Variants in GALNT17 observed in about 807,000 individuals in gnomAD.
GALNT17 encodes polypeptide N-acetylgalactosaminyltransferase 17, also known as UDP-GalNAc:polypeptide N-acetylgalactosaminyltransferase-like 3.
GALNT17 carries 29 observed loss-of-function variants against 63.7 expected under a neutral mutation model. The ratio of observed to expected loss-of-function variants is 0.46; its 90% confidence interval spans 0.34 to 0.62. GALNT17 has a LOEUF of 0.62. Among genes scored for constraint, GALNT17 ranks in the 20% least tolerant of loss-of-function variants. The pLI is 0.01. For synonymous variants in GALNT17, 305 were observed against 318.3 expected (o/e 0.96, Z 0.45); for missense variants, 603 against 799.6 (o/e 0.75, Z 2.97).
chr7:71,141,569 A>G (rs1001800887), intron 1 of GALNT17, among the ~76,000 whole-genome samples: 2 of 152,114 alleles, frequency 1.3e-5, no homozygotes, highest in Admixed American at 6.6e-5. Context: ...AATACAAACT[A>G]CTTATGGGAA....
chr7:71,331,732 G>GTTCCTACA (rs1583867317), intron 1 of GALNT17, among the ~76,000 whole-genome samples: 4 of 151,954 alleles, frequency 2.6e-5, no homozygotes, highest in South Asian at 4.2e-4. Flanking sequence ...AAGTTCCTAC[G>GTTCCTACA]TTCCTACATT....
rs188864746 is a variant in GALNT17, at chr7:71,503,257, C to T, written c.963-68028C>T. 6.6e-4 allele frequency among the ~76,000 whole-genome samples: 101 copies of T among 152,246 alleles called. 1 individual carries two copies. Among genetic ancestry groups the T allele is most frequent in the Non-Finnish European group, 1.1e-3 (77 of 68,010 alleles). On this transcript the variant is annotated intron_variant, in intron 5 of 10. Coordinates refer to ENST00000333538, the MANE Select transcript of GALNT17 (RefSeq NM_022479.3). ...ATGAGTCATAATTTACATCACTTTT[C>T]TGAGCCAGGGTCTCGCTCTGTCACC...
chr7:71,542,695 C>A (rs147042732), intron 5 of GALNT17, among the ~76,000 whole-genome samples: 960 of 120,214 alleles, frequency 8.0e-3, no homozygotes, highest in Non-Finnish European at 9.0e-3. Flanking sequence ...GACTCCCTGT[C>A]AAAAAAAAAA....
intron 8 of GALNT17, among the ~76,000 whole-genome samples, chr7:71,671,842 T>TG (rs1239451723): frequency 6.6e-6 from 1 of 152,062 alleles, no homozygotes; most frequent in African/African-American, 2.4e-5. Context: ...CTGGCCAACA[T>TG]GGGGAAGTCC....
chr7:71,496,023 A>G (rs1374547040), intron 5 of GALNT17, among the ~76,000 whole-genome samples: 1 of 152,246 alleles, frequency 6.6e-6, no homozygotes, highest in Non-Finnish European at 1.5e-5. Context: ...CAAGGCCAGA[A>G]GGCATGGGAA....
intron 9 of GALNT17, among the ~76,000 whole-genome samples, chr7:71,688,335 G>A (rs374665817): frequency 6.6e-6 from 1 of 152,222 alleles, no homozygotes; most frequent in East Asian, 1.9e-4. Context: ...TGGGTTGTTC[G>A]TTCCTGCCTC....
intron 1 of GALNT17, among the ~76,000 whole-genome samples, chr7:71,291,263 C>T (rs577838420): frequency 6.6e-6 from 1 of 152,118 alleles, no homozygotes; most frequent in Non-Finnish European, 1.5e-5. Flanking sequence ...TTTGGTTGGC[C>T]GGTGGACTCG....
Position 71,151,351 on chromosome 7 carries a change from G to A in GALNT17, c.238+18311G>A, listed in dbSNP as rs191857578. On this transcript the variant is annotated intron_variant, in intron 1 of 10. Coordinates refer to ENST00000333538, the MANE Select transcript of GALNT17 (RefSeq NM_022479.3). ...AAGAAAATAGCCTTGGCTGGGCGTGGTGGCTCACGCCTGTAGTCCCAGCAC... is the reference window on the plus strand; with the variant it reads ...AAGAAAATAGCCTTGGCTGGGCGTGATGGCTCACGCCTGTAGTCCCAGCAC... 3.3e-3 allele frequency among the ~76,000 whole-genome samples: 505 copies of A among 152,268 alleles called. 11 individuals carry two copies. The highest frequency in any genetic ancestry group is 0.032 in the Admixed American group (482 of 15,290).
chr7:71,419,186 G>T (rs1330959076), intron 4 of GALNT17, among the ~76,000 whole-genome samples: 1 of 152,232 alleles, frequency 6.6e-6, no homozygotes, highest in Non-Finnish European at 1.5e-5. Flanking sequence ...TCTAATGCAT[G>T]ATCTGGACTT....
intron 8 of GALNT17, among the ~76,000 whole-genome samples, chr7:71,670,941 T>G (rs1157562141): frequency 1.3e-5 from 2 of 152,046 alleles, no homozygotes; most frequent in Non-Finnish European, 2.9e-5. Flanking sequence ...TGTGTGCATG[T>G]GTATATACCC....
At chr7:71,706,499 A>G (rs568397953) in intron 9 of GALNT17, among the ~76,000 whole-genome samples, 1 of 152,184 alleles carries the variant, frequency 6.6e-6, no homozygotes, top group Non-Finnish European at 1.5e-5. Context: ...AATTTCAGTA[A>G]GCAGCTGTGT....
At chr7:71,650,094 C>G (rs1017102234) in intron 6 of GALNT17, among the ~76,000 whole-genome samples, 12 of 152,214 alleles carry the variant, frequency 7.9e-5, no homozygotes, top group African/African-American at 2.9e-4. Flanking sequence ...CTAGACAACC[C>G]AGTACCACTG....
chr7:71,375,546 G>T (rs1792706078), intron 2 of GALNT17, among the ~76,000 whole-genome samples: 1 of 152,152 alleles, frequency 6.6e-6, no homozygotes, highest in Admixed American at 6.5e-5. Context: ...TTCCAGGTGA[G>T]TAGCTAAGAC....
In GALNT17 at chr7:71,140,953, C is replaced by T. The variant is rs535432795; in HGVS notation, c.238+7913C>T. On this transcript the variant is annotated intron_variant, in intron 1 of 10. Coordinates refer to ENST00000333538, the MANE Select transcript of GALNT17 (RefSeq NM_022479.3). Reference sequence around the variant, plus strand: ...GGAGGAACGCTTGAGCCTAAGAGTTCGAGGCTTCAGTGAGCCATGATTGCA... The same window carrying T: ...GGAGGAACGCTTGAGCCTAAGAGTTTGAGGCTTCAGTGAGCCATGATTGCA... 5.1e-4 allele frequency among the ~76,000 whole-genome samples: 78 copies of T among 152,042 alleles called. 1 individual carries two copies. Among genetic ancestry groups the T allele is most frequent in the Non-Finnish European group, 9.4e-4 (64 of 67,950 alleles).
chr7:71,384,032 C>G lies in GALNT17; in HGVS notation c.423-4203C>G, dbSNP rs188610772. Among the ~76,000 whole-genome samples, 157 of 152,268 alleles carry G rather than the reference C, an allele frequency of 1.0e-3. 2 individuals carry two copies. The highest frequency in any genetic ancestry group is 3.7e-3 in the African/African-American group (153 of 41,546). On this transcript the variant is annotated intron_variant, in intron 2 of 10. Transcript: ENST00000333538. The stretch of plus-strand genomic sequence containing the variant: ...CCACCATACTATTTTCCACAGCGGC[C>G]GTAACATCCTCCCCTTCCATCAACA...
intron 5 of GALNT17, among the ~76,000 whole-genome samples, chr7:71,565,124 G>T (rs554947112): frequency 2.6e-5 from 4 of 152,024 alleles, no homozygotes. Flanking sequence ...AAAATTAGCC[G>T]GGCATGGTGC....
Position 71,362,744 on chromosome 7 carries a change from C to T in GALNT17, c.423-25491C>T, listed in dbSNP as rs868734123. Among the ~76,000 whole-genome samples, 10 of 152,256 alleles carry T rather than the reference C, an allele frequency of 6.6e-5. No individual in the cohort carries two copies. The South Asian group carries it at 1.2e-3, about 19-fold the overall frequency. On this transcript the variant is annotated intron_variant, in intron 2 of 10. Coordinates refer to ENST00000333538, the MANE Select transcript of GALNT17 (RefSeq NM_022479.3). Reference sequence around the variant, plus strand: ...TGTGTATATTTTTACGGGAAACGCTCCACCTAACCCTGCCCCGCTGAAAGC... The same window carrying T: ...TGTGTATATTTTTACGGGAAACGCTTCACCTAACCCTGCCCCGCTGAAAGC...
At chr7:71,703,261 G>A (rs947891395) in intron 9 of GALNT17, among the ~76,000 whole-genome samples, 3 of 152,290 alleles carry the variant, frequency 2.0e-5, no homozygotes, top group Non-Finnish European at 4.4e-5. Context: ...AATTTATAAA[G>A]AAAAGAGGTT....
intron 1 of GALNT17, among the ~76,000 whole-genome samples, chr7:71,174,622 T>G (rs1000954081): frequency 6.6e-6 from 1 of 152,140 alleles, no homozygotes; most frequent in Non-Finnish European, 1.5e-5. Flanking sequence ...GAGCAATGTT[T>G]TGCGGGCAGG....
Sources: gnomAD v4.1 joint callset for allele counts (sites outside exome capture counted in the v4.1 genomes callset) on GRCh38, gnomAD v4.1.1 for gene constraint, MANE v1.5 for transcripts, NCBI Gene and HGNC (gene_info 2026-07-23, HGNC 2026-07-21) for gene names.